Variants in RPAP1 observed in about 807,000 individuals in gnomAD.
RPAP1 encodes the protein RNA polymerase II-associated protein 1.
RPAP1 carries 109 observed loss-of-function variants against 142.4 expected under a neutral mutation model. The observed-to-expected ratio is 0.77, with a 90% confidence interval of 0.66 to 0.90. The LOEUF (loss-of-function observed/expected upper bound fraction) is 0.90. RPAP1 is among the 40% of genes least tolerant of loss of function. RPAP1 has a pLI of 0.00. For synonymous variants in RPAP1, 704 were observed against 738.9 expected, an observed-to-expected ratio of 0.95 and a Z score of 0.77; for missense variants, 1,546 against 1,751.7, an observed-to-expected ratio of 0.88 and a Z score of 2.10.
At position 41,530,057 on chromosome 15, in the gene RPAP1, G is replaced by A. The variant is rs187321681; in HGVS notation, c.944-78C>T. The A allele has an allele frequency of 7.6e-5, 77 of 1,015,698 alleles. No individual in the cohort carries two copies. In the African/African-American group the frequency reaches 9.5e-4, roughly 13 times the overall value. 62.9% of individuals were successfully genotyped at this position (1,015,698 alleles called of 1,614,324 possible). A position where few individuals can be genotyped will look rare whatever the true frequency, so the allele number is the denominator to read the frequency against. On this transcript the variant is annotated intron_variant, in intron 7 of 24. Coordinates refer to ENST00000304330, the MANE Select transcript of RPAP1 (RefSeq NM_015540.4). ...CAGGGGTCCCCACCATCACCCAGCA[G>A]CTGCCACATCCACTTCTGTTCCAGG...
At chr15:41,529,773 A>G in intron 8 of RPAP1, 91 bp downstream of exon 8, 1 of 962,108 alleles carries the variant, frequency 1.0e-6, no homozygotes. Context: ...GGCTCTGGGC[A>G]ATAGAAAGGC....
chr15:41,536,762 TG>T (rs1370886680), intron 2 of RPAP1, 113 bp from the exon 3 acceptor site: 7 of 1,447,948 alleles, frequency 4.8e-6, no homozygotes, highest in Non-Finnish European at 6.5e-6. Context: ...TGTGTCATCT[TG>T]GGTAAGATAT....
At chr15:41,529,420 C>T (rs2051825866) in intron 9 of RPAP1, 50 bp downstream of exon 9, 4 of 1,239,568 alleles carry the variant, frequency 3.2e-6, no homozygotes, top group Non-Finnish European at 4.7e-6. Flanking sequence ...GATCCTTTTC[C>T]ATGGGGTTGT....
rs764286188 is a variant in RPAP1, at chr15:41,522,890, G to A, written c.2617C>T (p.Leu873=). The change falls in exon 19 of 25, where the codon CTG becomes TTG. Residue 873 remains leucine, a synonymous_variant. Coordinates refer to ENST00000304330, the MANE Select transcript of RPAP1 (RefSeq NM_015540.4). ...CGGGGGCAGCCTCCCGAGCAGCCCA[G>A]TGACACGAGGCTGGGGGGAGCTTCA... ...ALEAPPSLVS[L]GCSGGCPRLS... 2.5e-6 allele frequency: 4 copies of A among 1,576,242 alleles called. No individual in the cohort carries two copies. The East Asian group carries it at 6.9e-5, about 27-fold the overall frequency.
At chr15:41,537,797 C>T (rs959895953) in intron 1 of RPAP1, among the ~76,000 whole-genome samples, 3 of 149,730 alleles carry the variant, frequency 2.0e-5, no homozygotes, top group African/African-American at 7.4e-5. Context: ...ACAGGAGAAT[C>T]GCTTGAACCT....
intron 2 of RPAP1, 99 bp from the exon 3 acceptor site, chr15:41,536,748 A>C: frequency 1.4e-6 from 2 of 1,475,476 alleles, no homozygotes; most frequent in Non-Finnish European, 1.8e-6. Flanking sequence ...GCCCTGGCTC[A>C]AGCTGTGTCA....
At chr15:41,532,070 G>A (rs1478730003) in intron 6 of RPAP1, among the ~76,000 whole-genome samples, 1 of 149,534 alleles carries the variant, frequency 6.7e-6, no homozygotes, top group Non-Finnish European at 1.5e-5. Context: ...CGCCCAGGCT[G>A]GAGTGCCATG....
At chr15:41,529,372 G>C in intron 9 of RPAP1, 98 bp downstream of exon 9, 5 of 781,494 alleles carry the variant, frequency 6.4e-6, no homozygotes, top group Middle Eastern at 3.5e-4. Flanking sequence ...GCATGAACTA[G>C]AACAGGGCAC....
Position 41,531,060 on chromosome 15 carries a change from C to G in RPAP1, c.906G>C (p.Glu302Asp). 6.2e-7 allele frequency: 1 copy of G among 1,613,836 alleles called. No homozygotes were observed. The highest frequency in any genetic ancestry group is 8.5e-7 in the Non-Finnish European group (1 of 1,179,808). The change falls in exon 7 of 25, where the codon GAG becomes GAC. Residue 302 changes from glutamate to aspartate, a missense_variant. By Grantham distance (45) the Glu-to-Asp change is conservative. Transcript: ENST00000304330. ...GCTCCAGCTTGTCTCTCTTCCTGGG[C>G]TCACTGGCAAAAGCTGACATGAGGG... ...EEPLMSAFAS[E>D]PRKRDKLEPE...
chr15:41,530,269 G>A (rs371540720), intron 7 of RPAP1, among the ~76,000 whole-genome samples: 11 of 152,236 alleles, frequency 7.2e-5, no homozygotes, highest in South Asian at 6.2e-4. Flanking sequence ...GAGAAAGAAA[G>A]GAGAAAAAGA....
Position 41,523,250 on chromosome 15 carries a change from G to A in RPAP1, c.2541C>T (p.Ser847=), listed in dbSNP as rs138919705. The A allele has an allele frequency of 7.5e-6, 12 of 1,593,908 alleles. No individual in the cohort carries two copies. Among genetic ancestry groups the A allele is most frequent in the African/African-American group, 1.3e-5 (1 of 74,144 alleles). ...SQPTLGSLWD[S]LRHCSLLCNP... ...CTACCAAACACAGTACATACCTAAG[G>A]GAATCCCACAGGCTGCCCAGTGTGG... is the stretch of plus-strand genomic sequence containing the variant. Residue 847 remains serine, a synonymous_variant, in exon 18 of 25, where the codon TCC becomes TCT. Coordinates refer to ENST00000304330, the MANE Select transcript of RPAP1 (RefSeq NM_015540.4).
At chr15:41,535,960 A>G (rs1235400825) in intron 4 of RPAP1, among the ~76,000 whole-genome samples, 169 bp downstream of exon 4, 1 of 152,144 alleles carries the variant, frequency 6.6e-6, no homozygotes, top group East Asian at 1.9e-4. Context: ...TACCTGCCTT[A>G]TATGTTTGTT....
chr15:41,530,078 C>G (rs1245608826), intron 7 of RPAP1, 99 bp from the exon 8 acceptor site: 3 of 834,488 alleles, frequency 3.6e-6, no homozygotes, highest in Non-Finnish European at 6.0e-6. Context: ...CACTTCTGTT[C>G]CAGGATCTGC....
intron 1 of RPAP1, among the ~76,000 whole-genome samples, chr15:41,538,113 G>C (rs951493780): frequency 1.3e-5 from 2 of 152,060 alleles, no homozygotes; most frequent in African/African-American, 4.8e-5. Context: ...CGTGGTGGCG[G>C]GCACCTGTAT....
At chr15:41,541,472 A>T (rs1260387420) in intron 1 of RPAP1, among the ~76,000 whole-genome samples, 1 of 151,752 alleles carries the variant, frequency 6.6e-6, no homozygotes. Flanking sequence ...ATGGGAGAAC[A>T]TGATGAAGTT....
At chr15:41,543,426 T>C (rs182692842) in intron 1 of RPAP1, among the ~76,000 whole-genome samples, 3 of 152,186 alleles carry the variant, frequency 2.0e-5, no homozygotes, top group Admixed American at 2.0e-4. Context: ...TTGGCCAGAC[T>C]GGTCTCGAAC....
rs1363879352 is a variant in RPAP1 at position 41,522,079 on chromosome 15, G to A, written c.2895+19C>T. The A allele has an allele frequency of 6.2e-7, 1 of 1,611,548 alleles. No homozygotes were observed. Among genetic ancestry groups the A allele is most frequent in the Non-Finnish European group, 8.5e-7 (1 of 1,178,588 alleles). ...AGATAATGGGATGACAGGAGAACCT[G>A]TCAGACAGGGGGACCTACCGCTTTC... On this transcript the variant is annotated intron_variant, in intron 20 of 24. Transcript: ENST00000304330.
At position 41,526,762 on chromosome 15, in the gene RPAP1, T is replaced by C. The variant is rs184501211; in HGVS notation, c.1917+136A>G. On this transcript the variant is annotated intron_variant, in intron 14 of 24. Transcript: ENST00000304330. ...ACAGGTTCATGCCTGGTGATTTCTG[T>C]TGCATTTCTAAGCAACTGGATCAGA... 16 of 890,670 alleles carry C rather than the reference T, an allele frequency of 1.8e-5. No homozygotes were observed. In the African/African-American group the frequency reaches 1.8e-4, roughly 10 times the overall value. 55.2% of individuals were successfully genotyped at this position (890,670 alleles called of 1,614,324 possible). A position where few individuals can be genotyped will look rare whatever the true frequency, so the allele number is the denominator to read the frequency against.
chr15:41,527,791 C>T, intron 11 of RPAP1, 69 bp downstream of exon 11: 5 of 1,581,582 alleles, frequency 3.2e-6, no homozygotes, highest in Non-Finnish European at 4.3e-6. Context: ...GCAATGGGGC[C>T]ATGCCCAGGA....
Sources: allele counts gnomAD v4.1 joint callset (sites outside exome capture counted in the v4.1 genomes callset), GRCh38; gene constraint gnomAD v4.1.1; transcripts MANE v1.5; gene names NCBI Gene and HGNC (gene_info 2026-07-23, HGNC 2026-07-21).